The following ABTB3 variants were observed in gnomAD, a reference collection of about 807,000 sequenced individuals.
ABTB3 encodes ankyrin repeat- and BTB/POZ domain-containing protein 3.
chr12:107,431,368 T>C, the ABTB3 span, among the ~76,000 whole-genome samples: 2 of 152,150 alleles, frequency 1.3e-5, no homozygotes, highest in African/African-American at 4.8e-5. Context: ...CCCAGCACTT[T>C]GGGAGGCCAA....
At chr12:107,624,482 A>G in the ABTB3 span, among the ~76,000 whole-genome samples, 2,393 of 152,242 alleles carry the variant, frequency 0.016, 33 homozygotes, top group Non-Finnish European at 0.025. Context: ...GCCCTTTTAT[A>G]ACCACACCCA....
the ABTB3 span, among the ~76,000 whole-genome samples, chr12:107,534,211 TA>T: frequency 5.8e-3 from 806 of 139,834 alleles, 6 homozygotes; most frequent in African/African-American, 0.013. Context: ...CCCTGTCTCT[TA>T]AAAAAAAAAA....
At chr12:107,652,188 A>G in the ABTB3 span, among the ~76,000 whole-genome samples, 1 of 152,348 alleles carries the variant, frequency 6.6e-6, no homozygotes, top group South Asian at 2.1e-4. Flanking sequence ...CAATCCAGCA[A>G]CATCAGGGAA....
the ABTB3 span, among the ~76,000 whole-genome samples, chr12:107,343,151 A>G: frequency 6.6e-6 from 1 of 152,086 alleles, no homozygotes; most frequent in Non-Finnish European, 1.5e-5. Context: ...AGTAGCTGGG[A>G]CCACAAGTGC....
the ABTB3 span, among the ~76,000 whole-genome samples, chr12:107,425,019 T>C: frequency 6.6e-6 from 1 of 152,170 alleles, no homozygotes. Context: ...ACAACATCTT[T>C]TCTAAAATCC....
the ABTB3 span, among the ~76,000 whole-genome samples, chr12:107,440,743 A>G: frequency 6.6e-6 from 1 of 152,124 alleles, no homozygotes. Flanking sequence ...GAGGCAGGGA[A>G]ATGGAAGGGA....
the ABTB3 span, chr12:107,618,096 C>T: frequency 6.5e-6 from 10 of 1,532,190 alleles, no homozygotes; most frequent in Middle Eastern, 1.7e-4. Flanking sequence ...CTGCCCCTGC[C>T]CTGCCCCAGC....
the ABTB3 span, among the ~76,000 whole-genome samples, chr12:107,520,070 G>A: frequency 6.6e-6 from 1 of 152,108 alleles, no homozygotes. Context: ...GCCCTCAGAA[G>A]CAATTTTCGG....
the ABTB3 span, among the ~76,000 whole-genome samples, chr12:107,464,474 C>T: frequency 2.3e-4 from 35 of 152,186 alleles, no homozygotes; most frequent in East Asian, 2.3e-3. Context: ...CCATGTCTGG[C>T]TAGTGTTTTA....
At chr12:107,441,843 A>G in the ABTB3 span, among the ~76,000 whole-genome samples, 1 of 151,168 alleles carries the variant, frequency 6.6e-6, no homozygotes, top group Non-Finnish European at 1.5e-5. Context: ...GGGAGGCTGA[A>G]GTGGGAAGAT....
the ABTB3 span, among the ~76,000 whole-genome samples, chr12:107,630,835 T>G: frequency 6.6e-6 from 1 of 152,244 alleles, no homozygotes; most frequent in African/African-American, 2.4e-5. Flanking sequence ...CACTTTTCCC[T>G]ATGATTAATA....
the ABTB3 span, among the ~76,000 whole-genome samples, chr12:107,375,791 G>T: frequency 6.6e-6 from 1 of 152,074 alleles, no homozygotes; most frequent in Non-Finnish European, 1.5e-5. Flanking sequence ...GTTCTTTATG[G>T]ACTTCTCTTC....
At chr12:107,604,275 T>G in the ABTB3 span, among the ~76,000 whole-genome samples, 10 of 152,018 alleles carry the variant, frequency 6.6e-5, no homozygotes, top group Admixed American at 6.6e-4. Flanking sequence ...AGAGAAACTC[T>G]GTCCCTACTA....
At chr12:107,659,274 G>A in the ABTB3 span, 1 of 152,166 alleles carries the variant, frequency 6.6e-6, no homozygotes, top group Non-Finnish European at 1.5e-5. Context: ...GGAGCATCTG[G>A]GTGATATCTG....
At chr12:107,589,854 C>T in the ABTB3 span, among the ~76,000 whole-genome samples, 1 of 152,234 alleles carries the variant, frequency 6.6e-6, no homozygotes, top group East Asian at 1.9e-4. Context: ...ATGCAGAGAG[C>T]TGTCAGGAAG....
chr12:107,324,171 C>CAA, the ABTB3 span, among the ~76,000 whole-genome samples: 1 of 152,194 alleles, frequency 6.6e-6, no homozygotes, highest in African/African-American at 2.4e-5. Context: ...AATCCAGGCA[C>CAA]AATGGTATCT....
chr12:107,483,346 T>C, the ABTB3 span, among the ~76,000 whole-genome samples: 15 of 152,250 alleles, frequency 9.9e-5, no homozygotes, highest in East Asian at 2.9e-3. Context: ...GCCCAGCCCC[T>C]TGATGCTTAT....
At chr12:107,594,065 C>T in the ABTB3 span, among the ~76,000 whole-genome samples, 1 of 152,222 alleles carries the variant, frequency 6.6e-6, no homozygotes, top group African/African-American at 2.4e-5. Context: ...CAAACAGTCT[C>T]TGCCAGAGGG....
the ABTB3 span, among the ~76,000 whole-genome samples, chr12:107,571,851 G>A: frequency 1.4e-4 from 22 of 152,332 alleles, no homozygotes; most frequent in African/African-American, 2.6e-4. Context: ...CACATGGTAC[G>A]TGATGGACAC....
Sources: gnomAD v4.1 joint callset for allele counts (sites outside exome capture counted in the v4.1 genomes callset) on GRCh38, gnomAD v4.1.1 for gene constraint, MANE v1.5 for transcripts, NCBI Gene and HGNC (gene_info 2026-07-23, HGNC 2026-07-21) for gene names.